Variants in POF1B observed in about 807,000 individuals in gnomAD.
The protein encoded by POF1B is POF1B actin binding protein, also known as protein POF1B.
Under a neutral mutation model 55.3 loss-of-function variants are expected in POF1B, and 53 were observed. That is an observed-to-expected ratio of 0.96 (90% CI 0.77 to 1.20). The LOEUF is 1.20. Ranked by LOEUF, POF1B falls within the 50% of genes most tolerant of loss-of-function variation. The pLI is 0.00. For missense variants in POF1B, 478 were observed against 420.5 expected (o/e 1.14, Z -1.20); for synonymous variants, 188 against 148.3 (o/e 1.27, Z -1.95).
intron 15 of POF1B, among the ~76,000 whole-genome samples, chrX:85,289,086 A>T (rs968688553): frequency 9.0e-6 from 1 of 111,386 alleles, no homozygotes; most frequent in African/African-American, 3.3e-5. Flanking sequence ...AACAGCCTGA[A>T]GATAAATAGG....
chrX:85,303,819 C>T (rs1033058484), intron 14 of POF1B, among the ~76,000 whole-genome samples: 1 of 111,226 alleles, frequency 9.0e-6, no homozygotes, highest in Non-Finnish European at 1.9e-5. Context: ...AAAGTATATC[C>T]ATAGAAGAAA....
At chrX:85,338,266 A>T (rs1167219917) in intron 6 of POF1B, among the ~76,000 whole-genome samples, 2 of 111,876 alleles carry the variant, frequency 1.8e-5, no homozygotes, top group African/African-American at 6.5e-5. Flanking sequence ...GAGAAAGTTG[A>T]TTATAACAAA....
intron 6 of POF1B, among the ~76,000 whole-genome samples, chrX:85,344,602 C>G (rs1282420505): frequency 9.0e-6 from 1 of 111,151 alleles, no homozygotes; most frequent in Non-Finnish European, 1.9e-5. Context: ...TTTCAACCTA[C>G]AAAAATGACA....
At position 85,304,435 on chromosome X, in the gene POF1B, T is replaced by G; in HGVS notation, c.1474A>C (p.Arg492=). The change falls in exon 14 of 17, where the codon AGA becomes CGA. Residue 492 remains arginine (R), a synonymous_variant. Coordinates refer to ENST00000262753, the MANE Select transcript of POF1B (RefSeq NM_024921.4). Reference sequence around the variant, plus strand: ...TGGAAGTCACTACAACTTCCTTCTCTCTTTGAAACATCTTTATGGTACTGG... The same window carrying G: ...TGGAAGTCACTACAACTTCCTTCTCGCTTTGAAACATCTTTATGGTACTGG... ...LNQYHKDVSK[R]EGSCSDFQFK... 8.5e-7 allele frequency: 1 copy of G among 1,181,880 alleles called. No individual in the cohort carries two copies. Among genetic ancestry groups the G allele is most frequent in the Non-Finnish European group, 1.1e-6 (1 of 876,919 alleles).
At chrX:85,377,345 A>AGAT (rs1933940032) in intron 2 of POF1B, among the ~76,000 whole-genome samples, 1 of 112,039 alleles carries the variant, frequency 8.9e-6, no homozygotes, top group African/African-American at 3.2e-5. Flanking sequence ...ACAGCTATCT[A>AGAT]AAAGCTGTCT....
intron 10 of POF1B, 96 bp downstream of exon 10, chrX:85,308,028 A>C: frequency 2.2e-6 from 1 of 450,952 alleles, no homozygotes; most frequent in Non-Finnish European, 3.7e-6. Flanking sequence ...ATATTGTGCT[A>C]TATTAAATTT....
intron 6 of POF1B, among the ~76,000 whole-genome samples, chrX:85,331,338 G>A (rs745941073): frequency 2.7e-5 from 3 of 110,919 alleles, no homozygotes; most frequent in Non-Finnish European, 3.8e-5. Context: ...CTTGAATATA[G>A]GCACTTAAAT....
chrX:85,282,618 C>G (rs1361745663), intron 15 of POF1B, among the ~76,000 whole-genome samples: 1 of 110,865 alleles, frequency 9.0e-6, no homozygotes, highest in African/African-American at 3.3e-5. Flanking sequence ...AAGTGCCTAG[C>G]TCACTGCCTG....
chrX:85,365,612 T>A (rs1038734563), intron 3 of POF1B, among the ~76,000 whole-genome samples: 1 of 111,746 alleles, frequency 8.9e-6, no homozygotes, highest in Non-Finnish European at 1.9e-5. Context: ...GTCCTGTTGC[T>A]CCTCTGTTAT....
At chrX:85,316,464 C>A (rs926382944) in intron 7 of POF1B, among the ~76,000 whole-genome samples, 3 of 110,711 alleles carry the variant, frequency 2.7e-5, no homozygotes, top group Non-Finnish European at 3.8e-5. Context: ...CCTTTGGGAA[C>A]GTTGAAAACT....
At chrX:85,342,920 C>G (rs1237314527) in intron 6 of POF1B, among the ~76,000 whole-genome samples, 3 of 110,135 alleles carry the variant, frequency 2.7e-5, no homozygotes, top group African/African-American at 3.3e-5. Context: ...GGACCCAATC[C>G]AAAGTAATCT....
intron 4 of POF1B, among the ~76,000 whole-genome samples, chrX:85,352,322 TA>T (rs1268743061): frequency 9.0e-6 from 1 of 111,209 alleles, no homozygotes; most frequent in African/African-American, 3.3e-5. Flanking sequence ...TTTTGTGATA[TA>T]GGGGAATACT....
At chrX:85,299,489 C>T (rs1318776842) in intron 15 of POF1B, among the ~76,000 whole-genome samples, 3 of 102,823 alleles carry the variant, frequency 2.9e-5, no homozygotes, top group Non-Finnish European at 3.9e-5. Context: ...CGGGTTTCAC[C>T]GTGTTAGCCA....
chrX:85,322,496 A>G (rs748186213), intron 7 of POF1B, among the ~76,000 whole-genome samples: 3 of 112,003 alleles, frequency 2.7e-5, no homozygotes, highest in Non-Finnish European at 5.6e-5. Context: ...AAACCCTACA[A>G]GAAAACCTAG....
intron 15 of POF1B, among the ~76,000 whole-genome samples, chrX:85,300,461 G>A (rs1455977496): frequency 2.7e-5 from 3 of 112,039 alleles, no homozygotes; most frequent in Non-Finnish European, 5.6e-5. Flanking sequence ...AATGAGCAGA[G>A]ACTTCAGTGA....
chrX:85,340,235 G>C (rs1225520893), intron 6 of POF1B, among the ~76,000 whole-genome samples: 1 of 111,229 alleles, frequency 9.0e-6, no homozygotes, highest in Non-Finnish European at 1.9e-5. Flanking sequence ...TTAGTCTGAA[G>C]ACTCTCTAGT....
At chrX:85,365,904 T>A (rs1417001602) in intron 3 of POF1B, among the ~76,000 whole-genome samples, 1 of 110,988 alleles carries the variant, frequency 9.0e-6, no homozygotes, top group Non-Finnish European at 1.9e-5. Context: ...GGTTCTGTGC[T>A]GTAGGCCTAA....
At chrX:85,378,475 G>A (rs1368565173) in intron 2 of POF1B, among the ~76,000 whole-genome samples, 1 of 111,788 alleles carries the variant, frequency 8.9e-6, no homozygotes, top group Non-Finnish European at 1.9e-5. Flanking sequence ...TAACTCTTAA[G>A]AAACAAACGT....
At chrX:85,336,586 C>T (rs950155966) in intron 6 of POF1B, among the ~76,000 whole-genome samples, 2 of 111,188 alleles carry the variant, frequency 1.8e-5, no homozygotes, top group African/African-American at 3.3e-5. Flanking sequence ...TTACACCTCC[C>T]GTTTGCCATT....
Sources: allele counts gnomAD v4.1 joint callset (sites outside exome capture counted in the v4.1 genomes callset), GRCh38; gene constraint gnomAD v4.1.1; transcripts MANE v1.5; gene names NCBI Gene and HGNC (gene_info 2026-07-23, HGNC 2026-07-21).